Variants in RFC3 observed in about 807,000 individuals in gnomAD.
RFC3 encodes A1 38 kDa subunit.
A neutral mutation model predicts 45.1 loss-of-function variants in RFC3; 41 were observed. The ratio of observed to expected loss-of-function variants is 0.91; its 90% confidence interval spans 0.71 to 1.18. The LOEUF (loss-of-function observed/expected upper bound fraction) is 1.18. Ranked by LOEUF, RFC3 falls within the 50% of genes most tolerant of loss-of-function variation. The pLI, the probability that RFC3 is intolerant of heterozygous loss-of-function variation, is 0.00. For missense variants in RFC3, 423 were observed against 428.1 expected, an observed-to-expected ratio of 0.99 and a Z score of 0.10; for synonymous variants, 149 against 144.0, an observed-to-expected ratio of 1.03 and a Z score of -0.25.
chr13:33,944,946 T>G (rs1046669551), intron 8 of RFC3, among the ~76,000 whole-genome samples: 1 of 152,138 alleles, frequency 6.6e-6, no homozygotes, highest in African/African-American at 2.4e-5. Flanking sequence ...TCAAAATCAT[T>G]GTCATAGAGC....
chr13:33,862,970 A>C (rs560968811), intron 8 of RFC3, among the ~76,000 whole-genome samples: 3 of 152,210 alleles, frequency 2.0e-5, no homozygotes, highest in Non-Finnish European at 4.4e-5. Flanking sequence ...TGTTTATAAT[A>C]AATTAATTCT....
At chr13:33,825,712 A>G (rs1293337154) in intron 3 of RFC3, 77 bp from the exon 4 acceptor site, 8 of 699,544 alleles carry the variant, frequency 1.1e-5, no homozygotes. Context: ...AATTTTGACC[A>G]CTTAAGAACT....
At chr13:33,900,077 TA>T (rs776579711) in intron 8 of RFC3, among the ~76,000 whole-genome samples, 7 of 151,874 alleles carry the variant, frequency 4.6e-5, no homozygotes, top group Admixed American at 2.0e-4. Flanking sequence ...TTGAAAGAAT[TA>T]ATCTTGTTAA....
chr13:33,818,893 T>A (rs1052646824), intron 1 of RFC3, among the ~76,000 whole-genome samples: 2 of 145,656 alleles, frequency 1.4e-5, no homozygotes, highest in African/African-American at 5.1e-5. Flanking sequence ...TTTTTTTTTT[T>A]TTTTTTTTTT....
intron 8 of RFC3, among the ~76,000 whole-genome samples, chr13:33,924,239 CTTAT>C (rs1379360342): frequency 6.6e-6 from 1 of 151,846 alleles, no homozygotes; most frequent in Non-Finnish European, 1.5e-5. Flanking sequence ...CTTTTTTTCA[CTTAT>C]TTATTTTTAT....
intron 8 of RFC3, among the ~76,000 whole-genome samples, chr13:33,842,511 A>G (rs2082207082): frequency 6.6e-6 from 1 of 151,940 alleles, no homozygotes; most frequent in Non-Finnish European, 1.5e-5. Flanking sequence ...TTTCTGTGTA[A>G]CTCCCTTCTT....
At chr13:33,961,574 CAAAG>C (rs970257085) in intron 8 of RFC3, among the ~76,000 whole-genome samples, 5 of 152,058 alleles carry the variant, frequency 3.3e-5, no homozygotes, top group African/African-American at 1.2e-4. Flanking sequence ...TGAAAGCACA[CAAAG>C]AAAAACATAT....
intron 8 of RFC3, among the ~76,000 whole-genome samples, chr13:33,913,977 C>A (rs1275771259): frequency 6.6e-6 from 1 of 150,520 alleles, no homozygotes; most frequent in Admixed American, 6.6e-5. Flanking sequence ...CATCCCGTTG[C>A]TAAGTGATAT....
intron 8 of RFC3, among the ~76,000 whole-genome samples, chr13:33,909,098 A>T (rs2082689213): frequency 2.0e-5 from 3 of 152,090 alleles, no homozygotes; most frequent in Admixed American, 6.6e-5. Context: ...AAAATTAACC[A>T]TCCCAATCTA....
At chr13:33,820,451 G>A (rs2081991198) in intron 1 of RFC3, among the ~76,000 whole-genome samples, 1 of 152,200 alleles carries the variant, frequency 6.6e-6, no homozygotes, top group South Asian at 2.1e-4. Context: ...CCCACCCTTT[G>A]GGTGGGTTAA....
chr13:33,842,483 T>A (rs2082206750), downstream of RFC3, among the ~76,000 whole-genome samples: 1 of 152,154 alleles, frequency 6.6e-6, no homozygotes, highest in African/African-American at 2.4e-5. Flanking sequence ...ACAAGGCAAC[T>A]CTTAACGTAG....
chr13:33,851,390 C>G (rs1358334979), intron 8 of RFC3, among the ~76,000 whole-genome samples: 2 of 152,082 alleles, frequency 1.3e-5, no homozygotes, highest in Non-Finnish European at 2.9e-5. Flanking sequence ...CAGAGCCTTA[C>G]CAACAACAGA....
chr13:33,945,353 C>T (rs747380583), intron 8 of RFC3, among the ~76,000 whole-genome samples: 7 of 152,050 alleles, frequency 4.6e-5, no homozygotes, highest in Admixed American at 1.3e-4. Flanking sequence ...AATATCCTTA[C>T]GAGGGATTCT....
At chr13:33,943,369 C>T (rs1219789107) in intron 8 of RFC3, among the ~76,000 whole-genome samples, 1 of 152,170 alleles carries the variant, frequency 6.6e-6, no homozygotes, top group Non-Finnish European at 1.5e-5. Flanking sequence ...CACAAACTTA[C>T]TGACTTAAAA....
At chr13:33,872,776 AAAAG>A (rs1310093459) in intron 8 of RFC3, among the ~76,000 whole-genome samples, 2 of 140,774 alleles carry the variant, frequency 1.4e-5, no homozygotes, top group East Asian at 2.2e-4. Flanking sequence ...ACAGAACAAA[AAAAG>A]AAAGAAACCA....
intron 8 of RFC3, among the ~76,000 whole-genome samples, chr13:33,939,205 C>G (rs927045869): frequency 6.6e-6 from 1 of 151,962 alleles, no homozygotes; most frequent in Non-Finnish European, 1.5e-5. Context: ...TTTTGATGAA[C>G]AAATATTTTT....
At chr13:33,918,727 C>G (rs2082749008) in intron 8 of RFC3, among the ~76,000 whole-genome samples, 1 of 152,124 alleles carries the variant, frequency 6.6e-6, no homozygotes, top group African/African-American at 2.4e-5. Context: ...AAGGCCGAGG[C>G]TGTCACATCC....
chr13:33,868,747 A>G (rs910440740), intron 8 of RFC3, among the ~76,000 whole-genome samples: 5 of 152,180 alleles, frequency 3.3e-5, no homozygotes, highest in African/African-American at 4.8e-5. Context: ...TTTCATTTCA[A>G]TAGCTCTGTG....
intron 8 of RFC3, among the ~76,000 whole-genome samples, chr13:33,898,367 C>T (rs1313164001): frequency 1.3e-5 from 2 of 151,786 alleles, no homozygotes; most frequent in East Asian, 3.9e-4. Context: ...TTGGAAACTA[C>T]ACAAACATGT....
Sources: gnomAD v4.1 joint callset for allele counts (sites outside exome capture counted in the v4.1 genomes callset) on GRCh38, gnomAD v4.1.1 for gene constraint, MANE v1.5 for transcripts, NCBI Gene and HGNC (gene_info 2026-07-23, HGNC 2026-07-21) for gene names.